The following LINGO2 variants were observed in gnomAD, a reference collection of about 807,000 sequenced individuals.
LINGO2 encodes leucine rich repeat and Ig domain containing 2, also known as leucine-rich repeat and immunoglobulin-like domain-containing nogo receptor-interacting protein 2.
In LINGO2, 14 loss-of-function variants were observed where a neutral mutation model predicts 30.6. That is an observed-to-expected ratio of 0.46 (90% CI 0.30 to 0.72). The LOEUF is 0.72. Among genes scored for constraint, LINGO2 ranks in the 30% least tolerant of loss-of-function variants. The pLI is 0.07. For synonymous variants in LINGO2, 317 were observed against 288.5 expected (o/e 1.10, Z -1.00); for missense variants, 729 against 751.7 (o/e 0.97, Z 0.35).
At chr9:28,965,566 A>G in the LINGO2 span, among the ~76,000 whole-genome samples, 1 of 152,000 alleles carries the variant, frequency 6.6e-6, no homozygotes, top group African/African-American at 2.4e-5. Flanking sequence ...AGAAAAGGAG[A>G]TTTATAAATG....
intron 4 of LINGO2, among the ~76,000 whole-genome samples, chr9:28,209,528 T>C (rs955117852): frequency 5.3e-5 from 8 of 152,004 alleles, no homozygotes; most frequent in African/African-American, 1.9e-4. Context: ...GTTTGTTTTA[T>C]GACTTGTGTA....
At chr9:29,091,879 G>C in the LINGO2 span, among the ~76,000 whole-genome samples, 1 of 151,980 alleles carries the variant, frequency 6.6e-6, no homozygotes, top group Non-Finnish European at 1.5e-5. Flanking sequence ...TTTTGTTTTA[G>C]ATTTTGTCTT....
the LINGO2 span, among the ~76,000 whole-genome samples, chr9:28,999,916 C>A: frequency 2.0e-5 from 3 of 151,922 alleles, no homozygotes; most frequent in African/African-American, 7.2e-5. Context: ...ATGTTTAGAT[C>A]TGGCTCTTTC....
At chr9:28,323,505 C>G (rs1825120356) in intron 3 of LINGO2, among the ~76,000 whole-genome samples, 1 of 152,102 alleles carries the variant, frequency 6.6e-6, no homozygotes, top group Non-Finnish European at 1.5e-5. Flanking sequence ...GAGGCTGAGG[C>G]AGGAGAATCA....
chr9:28,070,020 T>G (rs941433649), intron 4 of LINGO2, among the ~76,000 whole-genome samples: 4 of 152,158 alleles, frequency 2.6e-5, no homozygotes, highest in Non-Finnish European at 4.4e-5. Context: ...AGCAGCATGC[T>G]CAGGATGCAA....
At chr9:28,992,849 G>A in the LINGO2 span, among the ~76,000 whole-genome samples, 1 of 151,654 alleles carries the variant, frequency 6.6e-6, no homozygotes, top group Non-Finnish European at 1.5e-5. Flanking sequence ...AGAATCTCTG[G>A]GACACATTCA....
intron 4 of LINGO2, among the ~76,000 whole-genome samples, chr9:28,221,297 CTAAA>C (rs1564054936): frequency 1.0e-4 from 6 of 59,434 alleles, no homozygotes; most frequent in Admixed American, 4.1e-4. Flanking sequence ...CAGACCCCGT[CTAAA>C]AAAAAAAAAA....
chr9:28,658,040 A>G (rs1453246230), intron 1 of LINGO2, among the ~76,000 whole-genome samples: 2 of 151,956 alleles, frequency 1.3e-5, no homozygotes, highest in East Asian at 3.9e-4. Flanking sequence ...TAATTTACAC[A>G]TATTTTTGTG....
chr9:28,277,966 G>A (rs1034631941), intron 4 of LINGO2, among the ~76,000 whole-genome samples: 1 of 151,964 alleles, frequency 6.6e-6, no homozygotes, highest in Non-Finnish European at 1.5e-5. Flanking sequence ...GAATGCAAAT[G>A]AAAGTTCTTG....
chr9:28,335,323 T>C (rs1314787094), intron 3 of LINGO2, among the ~76,000 whole-genome samples: 1 of 152,170 alleles, frequency 6.6e-6, no homozygotes, highest in Non-Finnish European at 1.5e-5. Flanking sequence ...AGAATGAATA[T>C]AGAGAGGTCT....
chr9:28,431,256 T>A (rs911731752), intron 2 of LINGO2, among the ~76,000 whole-genome samples: 4 of 152,156 alleles, frequency 2.6e-5, no homozygotes, highest in African/African-American at 9.6e-5. Context: ...TCTAAGAGAC[T>A]GTCTACCACA....
intron 3 of LINGO2, among the ~76,000 whole-genome samples, chr9:28,361,323 TC>T (rs1820433695): frequency 6.6e-6 from 1 of 152,202 alleles, no homozygotes; most frequent in Admixed American, 6.5e-5. Context: ...TTAAACTTTT[TC>T]ATAGGTATGT....
chr9:28,607,456 TA>T (rs1825740663), intron 1 of LINGO2, among the ~76,000 whole-genome samples: 1 of 152,024 alleles, frequency 6.6e-6, no homozygotes, highest in African/African-American at 2.4e-5. Context: ...GAACTCACAC[TA>T]ACTTGAGCAA....
chr9:28,706,809 A>C, the LINGO2 span, among the ~76,000 whole-genome samples: 2 of 152,042 alleles, frequency 1.3e-5, no homozygotes, highest in Non-Finnish European at 2.9e-5. Context: ...CACTTTGTAT[A>C]ATCTTTAGGT....
At chr9:29,040,130 T>C in the LINGO2 span, among the ~76,000 whole-genome samples, 5 of 152,166 alleles carry the variant, frequency 3.3e-5, no homozygotes, top group Non-Finnish European at 5.9e-5. Flanking sequence ...ATGATCTTCA[T>C]TGTTCAGTTT....
At chr9:28,442,011 C>A (rs922418300) in intron 2 of LINGO2, among the ~76,000 whole-genome samples, 1 of 151,630 alleles carries the variant, frequency 6.6e-6, no homozygotes, top group Non-Finnish European at 1.5e-5. Flanking sequence ...TTTTAGAAAA[C>A]TTTTCTGCCA....
chr9:28,790,073 TATCTC>T, the LINGO2 span, among the ~76,000 whole-genome samples: 7 of 152,144 alleles, frequency 4.6e-5, no homozygotes, highest in Non-Finnish European at 1.0e-4. Context: ...CAGAAATAAA[TATCTC>T]ATAAGTTTTT....
At chr9:28,727,427 G>A in the LINGO2 span, among the ~76,000 whole-genome samples, 562 of 151,968 alleles carry the variant, frequency 3.7e-3, 6 homozygotes, top group African/African-American at 0.013. Flanking sequence ...CTGGGACTAT[G>A]GGTGCCCGCC....
the LINGO2 span, among the ~76,000 whole-genome samples, chr9:28,811,438 C>T: frequency 6.6e-6 from 1 of 152,052 alleles, no homozygotes; most frequent in African/African-American, 2.4e-5. Context: ...CTTGTAGTGG[C>T]CTTGCTTAAA....
Sources: gnomAD v4.1 joint callset for allele counts (sites outside exome capture counted in the v4.1 genomes callset) on GRCh38, gnomAD v4.1.1 for gene constraint, MANE v1.5 for transcripts, NCBI Gene and HGNC (gene_info 2026-07-23, HGNC 2026-07-21) for gene names.